The following ARHGEF10 variants were observed in gnomAD, a reference collection of about 807,000 sequenced individuals.
ARHGEF10 encodes Rho guanine nucleotide exchange factor (GEF) 10.
ARHGEF10 carries 140 observed loss-of-function variants against 147.4 expected under a neutral mutation model. The ratio of observed to expected loss-of-function variants is 0.95; its 90% confidence interval spans 0.83 to 1.09. The LOEUF (loss-of-function observed/expected upper bound fraction) is 1.09, where lower values mean the gene tolerates loss of function less well. Ranked by LOEUF, ARHGEF10 falls within the 50% of genes least tolerant of loss-of-function variation. The pLI is 0.00. For missense variants in ARHGEF10, 2,222 were observed against 1,752.7 expected (o/e 1.27, Z -4.78); for synonymous variants, 902 against 695.8 (o/e 1.30, Z -4.67).
rs1192230916 is a variant in ARHGEF10, at chr8:1,909,466, A to C, written c.2139A>C (p.Lys713Asn). The C allele has an allele frequency of 6.2e-7, 1 of 1,613,962 alleles. No homozygotes were observed. Among genetic ancestry groups the C allele is most frequent in the East Asian group, 2.2e-5 (1 of 44,878 alleles). Residue 713 changes from lysine to asparagine, a missense_variant, in exon 18 of 29, where the codon AAA (lysine) becomes AAC (asparagine). Coordinates refer to ENST00000349830, the MANE Select transcript of ARHGEF10 (RefSeq NM_014629.4). ...GCCTGGCCGTGGTTGCTAACGCGAA[A>C]CCAAGTAAGTGATGCTTTCTCTCAC... is the stretch of plus-strand genomic sequence containing the variant. ...PESLAVVANAKPNKVYMGPGQ... is the reference protein window; with the variant it reads ...PESLAVVANANPNKVYMGPGQ...
chr8:1,892,898 A>G (rs1210770342), intron 11 of ARHGEF10, among the ~76,000 whole-genome samples: 2 of 152,174 alleles, frequency 1.3e-5, no homozygotes, highest in Non-Finnish European at 2.9e-5. Flanking sequence ...TAGGCCTTTC[A>G]CGGGATCTTA....
At chr8:1,923,637 G>A in intron 20 of ARHGEF10, 42 bp downstream of exon 20, 1 of 1,614,080 alleles carries the variant, frequency 6.2e-7, no homozygotes, top group Non-Finnish European at 8.5e-7. Flanking sequence ...GGCCAATGCT[G>A]GGGAGAAAAT....
intron 15 of ARHGEF10, among the ~76,000 whole-genome samples, chr8:1,898,805 C>T (rs533762691): frequency 1.6e-4 from 25 of 152,188 alleles, no homozygotes; most frequent in Admixed American, 1.4e-3. Flanking sequence ...GCCTGCCTCA[C>T]GTGCTCTCAC....
Position 1,919,929 on chromosome 8 carries a change from T to C in ARHGEF10, c.2144-3035T>C, listed in dbSNP as rs550626896. ...AGCTGTTCTGTGGATGATGGAGCTGTTCTATGGGTGATGGAGCTGTTCTAT... is the reference window on the plus strand; with the variant it reads ...AGCTGTTCTGTGGATGATGGAGCTGCTCTATGGGTGATGGAGCTGTTCTAT... On this transcript the variant is annotated intron_variant, in intron 18 of 28. Transcript: ENST00000349830. Among the ~76,000 whole-genome samples, 183 of 148,920 alleles carry C rather than the reference T, an allele frequency of 1.2e-3. 4 individuals are homozygous for C. The Middle Eastern group carries it at 0.014, about 12-fold the overall frequency.
chr8:1,948,206 C>T lies in ARHGEF10; in HGVS notation c.3397+2551C>T, dbSNP rs967571446. On this transcript the variant is annotated intron_variant, in intron 27 of 28. Coordinates refer to ENST00000349830, the MANE Select transcript of ARHGEF10 (RefSeq NM_014629.4). This position sits in a 1 kb window ranked among gnomAD's most constrained non-coding sequence, Gnocchi z 4.9. ...CACCATCCCCTGGCGCCCACTCTCC[C>T]GGGCCCCTCCAACATCCTGGGCTGG... Among the ~76,000 whole-genome samples the T allele has an allele frequency of 7.2e-5, 11 of 152,168 alleles. No individual in the cohort carries two copies. Among genetic ancestry groups the T allele is most frequent in the African/African-American group, 1.7e-4 (7 of 41,434 alleles).
intron 8 of ARHGEF10, among the ~76,000 whole-genome samples, chr8:1,879,547 A>G (rs1331045922): frequency 6.9e-6 from 1 of 145,508 alleles, no homozygotes; most frequent in African/African-American, 2.6e-5. Flanking sequence ...TCATTTCTGC[A>G]TTTATCTCTC....
intron 2 of ARHGEF10, among the ~76,000 whole-genome samples, chr8:1,849,911 A>G (rs1804920584): frequency 6.9e-6 from 1 of 145,548 alleles, no homozygotes; most frequent in African/African-American, 2.7e-5. Context: ...CAGAGGGCAA[A>G]TGCTGAGGAG....
intron 2 of ARHGEF10, among the ~76,000 whole-genome samples, chr8:1,849,761 C>CTG (rs1280655859): frequency 5.7e-4 from 81 of 143,336 alleles, no homozygotes; most frequent in Middle Eastern, 3.7e-3. Context: ...CGTGGGGCGG[C>CTG]CACGTGGACA....
At chr8:1,876,979 C>T (rs548356524) in intron 8 of ARHGEF10, among the ~76,000 whole-genome samples, 4 of 152,378 alleles carry the variant, frequency 2.6e-5, no homozygotes, top group African/African-American at 7.2e-5. Flanking sequence ...TAAATGAGCT[C>T]ACCACCTTGA....
rs1212540710 is a variant in ARHGEF10, at chr8:1,894,490, A to G, written c.1358A>G (p.His453Arg). 1 of 1,614,158 alleles carries G rather than the reference A, an allele frequency of 6.2e-7. No individual in the cohort carries two copies. Among genetic ancestry groups the G allele is most frequent in the Admixed American group, 1.7e-5 (1 of 60,022 alleles). The change falls in exon 13 of 29, where the codon CAC becomes CGC. Residue 453 changes from histidine to arginine, a missense_variant. Transcript: ENST00000349830. ...CGAGTCAAAGAGATCCTGCAGTGCC[A>G]CTCGCTATTTCAGATCGCGCTGGCC... Reference protein sequence around the residue: ...FYRVKEILQCHSLFQIALASR... With the variant: ...FYRVKEILQCRSLFQIALASR...
chr8:1,953,498 C>T (rs1815227942), intron 28 of ARHGEF10, among the ~76,000 whole-genome samples: 1 of 152,260 alleles, frequency 6.6e-6, no homozygotes, highest in Non-Finnish European at 1.5e-5. Flanking sequence ...GACACAGTCC[C>T]GTTAGGGATT....
chr8:1,926,358 T>G lies in ARHGEF10; in HGVS notation c.2611-19T>G. ...TAGCTCTGTTTTATATGTGAGCGTTTGATTTTATTCCATTTTAGATTGAAT... is the reference window on the plus strand; with the variant it reads ...TAGCTCTGTTTTATATGTGAGCGTTGGATTTTATTCCATTTTAGATTGAAT... On this transcript the variant is annotated intron_variant, in intron 22 of 28. Transcript: ENST00000349830. 1 of 1,605,432 alleles carries G rather than the reference T, an allele frequency of 6.2e-7. No homozygotes were observed. Among genetic ancestry groups the G allele is most frequent in the Non-Finnish European group, 8.5e-7 (1 of 1,172,020 alleles).
At chr8:1,830,826 A>T (rs970652398) in intron 1 of ARHGEF10, among the ~76,000 whole-genome samples, 5 of 152,362 alleles carry the variant, frequency 3.3e-5, no homozygotes, top group African/African-American at 4.8e-5. Context: ...TTTGAAATTG[A>T]ATAGGAGCCA....
intron 2 of ARHGEF10, among the ~76,000 whole-genome samples, chr8:1,857,578 C>A (rs936488480): frequency 6.6e-6 from 1 of 152,156 alleles, no homozygotes; most frequent in Non-Finnish European, 1.5e-5. Flanking sequence ...CGCCAACACG[C>A]CTGGCTAATT....
intron 15 of ARHGEF10, among the ~76,000 whole-genome samples, chr8:1,900,448 C>T (rs908799318): frequency 8.6e-5 from 13 of 152,024 alleles, no homozygotes; most frequent in South Asian, 2.1e-4. Flanking sequence ...TGACACAGCC[C>T]GACAGATGTG....
rs566392140 is a variant in ARHGEF10, at chr8:1,889,604, G to T, written c.1182+3897G>T. Among the ~76,000 whole-genome samples the T allele has an allele frequency of 9.1e-5, 4 of 44,102 alleles. 2 individuals are homozygous for T. Among genetic ancestry groups the T allele is most frequent in the Non-Finnish European group, 1.5e-4 (4 of 27,040 alleles). 28.9% of individuals were successfully genotyped at this position (44,102 alleles called of 152,430 possible). A position where few individuals can be genotyped will look rare whatever the true frequency, so the allele number is the denominator to read the frequency against. The stretch of plus-strand genomic sequence containing the variant: ...TGAGGGGTTTGTGAGGAGACACTGA[G>T]TGTGGGTGAGGGGTCTGTGAGGAGT... On this transcript the variant is annotated intron_variant, in intron 11 of 28. Coordinates refer to ENST00000349830, the MANE Select transcript of ARHGEF10 (RefSeq NM_014629.4).
intron 27 of ARHGEF10, among the ~76,000 whole-genome samples, chr8:1,952,391 C>G (rs949685116): frequency 4.6e-5 from 7 of 152,360 alleles, no homozygotes; most frequent in African/African-American, 1.7e-4. Flanking sequence ...AAGGTTTAGA[C>G]AGATTCATCC....
intron 15 of ARHGEF10, among the ~76,000 whole-genome samples, chr8:1,898,726 C>T (rs1383585402): frequency 1.3e-5 from 2 of 152,102 alleles, no homozygotes; most frequent in African/African-American, 4.8e-5. Context: ...GCTGTAGGGC[C>T]CAGTGCCTGC....
chr8:1,858,932 A>C, intron 3 of ARHGEF10: 2 of 102,332 alleles, frequency 2.0e-5, no homozygotes, highest in Non-Finnish European at 4.1e-5. Context: ...CATAGCACCC[A>C]CCTCTTGGCT....
Sources: allele counts gnomAD v4.1 joint callset (sites outside exome capture counted in the v4.1 genomes callset), GRCh38; gene constraint gnomAD v4.1.1; non-coding constraint Gnocchi (gnomAD v3.1); transcripts MANE v1.5; gene names NCBI Gene and HGNC (gene_info 2026-07-23, HGNC 2026-07-21).